MPP7: variants seen among roughly 807,000 people sequenced by gnomAD.
MPP7 encodes MAGUK p55 subfamily member 7.
MPP7 carries 60 observed loss-of-function variants against 76.5 expected under a neutral mutation model. The ratio of observed to expected loss-of-function variants is 0.78; its 90% CI spans 0.64 to 0.97. MPP7 has a LOEUF of 0.97. Among genes scored for constraint, MPP7 ranks in the 50% least tolerant of loss-of-function variants. MPP7 has a pLI of 0.00. For missense variants in MPP7, 641 were observed against 694.0 expected (o/e 0.92, Z 0.86); for synonymous variants, 237 against 244.5 (o/e 0.97, Z 0.29).
chr10:28,151,588 G>T (rs1417750794), intron 3 of MPP7, among the ~76,000 whole-genome samples: 2 of 152,160 alleles, frequency 1.3e-5, no homozygotes, highest in South Asian at 2.1e-4. Context: ...CTTACCAGGT[G>T]CCTGTACTAC....
At chr10:28,075,837 G>T (rs1852458086) in intron 12 of MPP7, among the ~76,000 whole-genome samples, 1 of 152,148 alleles carries the variant, frequency 6.6e-6, no homozygotes, top group Non-Finnish European at 1.5e-5. Context: ...TCCTTGTCTT[G>T]ATTGTCTAAC....
At chr10:28,189,055 T>C (rs1837323838) in intron 3 of MPP7, among the ~76,000 whole-genome samples, 1 of 152,094 alleles carries the variant, frequency 6.6e-6, no homozygotes, top group African/African-American at 2.4e-5. Flanking sequence ...AAAAAATAAA[T>C]AAATATAAAG....
At chr10:28,088,954 C>T (rs1853153487) in intron 12 of MPP7, among the ~76,000 whole-genome samples, 1 of 152,168 alleles carries the variant, frequency 6.6e-6, no homozygotes, top group South Asian at 2.1e-4. Flanking sequence ...TGGCTCACTG[C>T]AACCTCCACC....
intron 12 of MPP7, among the ~76,000 whole-genome samples, chr10:28,079,514 TA>T (rs1221893397): frequency 1.3e-5 from 2 of 151,548 alleles, no homozygotes; most frequent in Non-Finnish European, 2.9e-5. Flanking sequence ...AAACAAAAAA[TA>T]AAACAAAGCT....
chr10:28,215,006 A>G (rs573375047), intron 2 of MPP7, among the ~76,000 whole-genome samples: 1 of 152,248 alleles, frequency 6.6e-6, no homozygotes, highest in African/African-American at 2.4e-5. Flanking sequence ...CACCACCCAG[A>G]CAGGTAATCT....
intron 2 of MPP7, among the ~76,000 whole-genome samples, chr10:28,224,662 A>C (rs1041827787): frequency 6.6e-6 from 1 of 152,182 alleles, no homozygotes. Flanking sequence ...TTTAACGTAG[A>C]TTAATTTTAT....
intron 3 of MPP7, among the ~76,000 whole-genome samples, chr10:28,160,460 C>A (rs1236680863): frequency 1.3e-5 from 2 of 152,046 alleles, no homozygotes; most frequent in African/African-American, 4.8e-5. Context: ...GCAGTTTTAC[C>A]CATCAGTATT....
At chr10:28,229,713 C>A (rs889497216) in intron 2 of MPP7, among the ~76,000 whole-genome samples, 2 of 152,008 alleles carry the variant, frequency 1.3e-5, no homozygotes, top group Non-Finnish European at 2.9e-5. Flanking sequence ...CACAGTGAAA[C>A]CCCGTCTCTA....
At chr10:28,182,171 CAAAT>C (rs1807562572) in intron 3 of MPP7, among the ~76,000 whole-genome samples, 1 of 102,596 alleles carries the variant, frequency 9.7e-6, no homozygotes, top group Non-Finnish European at 2.0e-5. Context: ...TAGAAAAAGA[CAAAT>C]AACCAAAGCA....
At chr10:28,240,167 C>A (rs1403720537) in intron 1 of MPP7, among the ~76,000 whole-genome samples, 1 of 152,088 alleles carries the variant, frequency 6.6e-6, no homozygotes, top group African/African-American at 2.4e-5. Context: ...ATGCACTTTC[C>A]TCAATTCTCT....
intron 2 of MPP7, among the ~76,000 whole-genome samples, chr10:28,223,299 C>T (rs1245338281): frequency 6.6e-6 from 1 of 152,112 alleles, no homozygotes. Flanking sequence ...TCACTGAGCT[C>T]GAATCTTCTG....
rs546770359 is a variant in MPP7 at position 28,302,774 on chromosome 10, G to A, written c.-132+87C>T. On this transcript the variant is annotated intron_variant, in intron 1 of 16. Transcript: ENST00000683449. Reference sequence around the variant, plus strand: ...CGCGGCACCGCTCGGCCCGGTCGCCGGCGCAGGGAGCAGCTTCGGGGGCCG... The same window carrying A: ...CGCGGCACCGCTCGGCCCGGTCGCCAGCGCAGGGAGCAGCTTCGGGGGCCG... 5.4e-3 allele frequency among the ~76,000 whole-genome samples: 819 copies of A among 152,116 alleles called. 6 individuals carry two copies. The highest frequency in any genetic ancestry group is 0.018 in the African/African-American group (767 of 41,540).
Position 28,238,093 on chromosome 10 carries a change from C to A in MPP7, c.37+475G>T, listed in dbSNP as rs548879621. Among the ~76,000 whole-genome samples, 9 of 151,336 alleles carry A rather than the reference C, an allele frequency of 5.9e-5. No homozygotes were observed. In the South Asian group the frequency reaches 1.7e-3, roughly 28 times the overall value. The stretch of plus-strand genomic sequence containing the variant: ...AATTGAATCCCTTAATGGTATGTAT[C>A]AATTTCAGGATAGTTTTACCTCTGG... On this transcript the variant is annotated intron_variant, in intron 2 of 16. Transcript: ENST00000683449.
At chr10:28,248,588 C>G (rs545866150) in intron 1 of MPP7, among the ~76,000 whole-genome samples, 40 of 152,238 alleles carry the variant, frequency 2.6e-4, no homozygotes, top group Non-Finnish European at 5.3e-4. Flanking sequence ...GCGTATTTCA[C>G]TCTTCTTGTC....
At chr10:28,093,635 T>C (rs12415916) in intron 11 of MPP7, among the ~76,000 whole-genome samples, 58,682 of 151,422 alleles carry the variant, frequency 0.39, 13,915 homozygotes, top group East Asian at 0.95. Flanking sequence ...TTAGTAGAGA[T>C]GGGGTTTCTC....
intron 12 of MPP7, among the ~76,000 whole-genome samples, chr10:28,087,169 C>G (rs10763640): frequency 0.31 from 46,453 of 151,886 alleles, 8,755 homozygotes; most frequent in East Asian, 0.88. Flanking sequence ...TTGTTAAAAA[C>G]AGCCTGACAT....
intron 3 of MPP7, among the ~76,000 whole-genome samples, chr10:28,185,173 T>G (rs960823729): frequency 2.0e-5 from 3 of 148,576 alleles, no homozygotes. Context: ...ATTATTATGA[T>G]GAAAATAAGT....
intron 5 of MPP7, among the ~76,000 whole-genome samples, chr10:28,143,882 TGTGTGTGTGTGTGTGTGTGTGA>T (rs1344213634): frequency 2.1e-5 from 3 of 146,072 alleles, no homozygotes; most frequent in South Asian, 2.4e-4. Flanking sequence ...TGTGTGTGTG[TGTGTGTGTGTGTGTGTGTGTGA>T]GACTGAGTTT....
intron 3 of MPP7, among the ~76,000 whole-genome samples, chr10:28,159,209 C>T (rs918165427): frequency 6.6e-6 from 1 of 152,172 alleles, no homozygotes; most frequent in Non-Finnish European, 1.5e-5. Context: ...TTAAAACTCC[C>T]TCTTTGAGCA....
Sources: allele counts gnomAD v4.1 joint callset (sites outside exome capture counted in the v4.1 genomes callset), GRCh38; gene constraint gnomAD v4.1.1; transcripts MANE v1.5; gene names NCBI Gene and HGNC (gene_info 2026-07-23, HGNC 2026-07-21).